Variants in AFDN observed in about 807,000 individuals in gnomAD.
AFDN encodes the protein afadin.
AFDN carries 68 observed loss-of-function variants against 216.6 expected under a neutral mutation model. The observed-to-expected ratio is 0.31, with a 90% CI of 0.26 to 0.38. The LOEUF (loss-of-function observed/expected upper bound fraction) is 0.38. Among genes scored for constraint, AFDN ranks in the 10% least tolerant of loss-of-function variants. The pLI is 1.00. For synonymous variants in AFDN, 868 were observed against 853.7 expected (o/e 1.02, Z -0.29); for missense variants, 2,136 against 2,342.0 (o/e 0.91, Z 1.82).
chr6:167,935,748 T>G (rs570169329), intron 23 of AFDN, among the ~76,000 whole-genome samples: 1 of 152,320 alleles, frequency 6.6e-6, no homozygotes, highest in African/African-American at 2.4e-5. Flanking sequence ...TATAATATTG[T>G]GTTCTCAATT....
chr6:167,829,515 T>C (rs186850499), intron 1 of AFDN, among the ~76,000 whole-genome samples: 7 of 152,292 alleles, frequency 4.6e-5, no homozygotes, highest in Admixed American at 1.3e-4. Context: ...TTTAGTTTTC[T>C]GCAAGAACAG....
At chr6:167,871,664 A>G (rs1396745910) in intron 3 of AFDN, among the ~76,000 whole-genome samples, 1 of 152,228 alleles carries the variant, frequency 6.6e-6, no homozygotes, top group East Asian at 1.9e-4. Context: ...AAGCAAATAA[A>G]TCAGATCTGG....
chr6:167,864,284 A>G (rs1462974930), intron 1 of AFDN: 5 of 662,678 alleles, frequency 7.5e-6, no homozygotes, highest in African/African-American at 1.8e-5. Flanking sequence ...CCAAGGACCA[A>G]TAGATGTTAG....
chr6:167,950,826 A>T (rs892921225), intron 29 of AFDN, among the ~76,000 whole-genome samples: 1 of 151,340 alleles, frequency 6.6e-6, no homozygotes, highest in East Asian at 1.9e-4. Context: ...GCCTCGAGGC[A>T]GAGAGAAAGT....
intron 18 of AFDN, among the ~76,000 whole-genome samples, 157 bp downstream of exon 18, chr6:167,914,895 G>T (rs1239375753): frequency 6.6e-6 from 1 of 152,082 alleles, no homozygotes. Flanking sequence ...TATTTGTTTT[G>T]TTTACAGATA....
At chr6:167,893,808 T>C in intron 8 of AFDN, 54 bp from the exon 9 acceptor site, 1 of 1,393,762 alleles carries the variant, frequency 7.2e-7, no homozygotes, top group South Asian at 1.2e-5. Flanking sequence ...CTGCATGGTC[T>C]CTCTCCTGCT....
Position 167,888,787 on chromosome 6 carries a change from G to A in AFDN, c.898-428G>A, listed in dbSNP as rs140912579. Among the ~76,000 whole-genome samples the A allele has an allele frequency of 2.3e-3, 352 of 152,180 alleles. 4 individuals carry two copies. Among genetic ancestry groups the A allele is most frequent in the African/African-American group, 7.5e-3 (312 of 41,508 alleles). On this transcript the variant is annotated intron_variant, in intron 6 of 33. Coordinates refer to ENST00000683244, the MANE Select transcript of AFDN (RefSeq NM_001386888.1). ...AACTATTCTGGCTTGTTGTATGGTGGTTATCCTAAGATATCTCATATTGTA... is the reference window on the plus strand; with the variant it reads ...AACTATTCTGGCTTGTTGTATGGTGATTATCCTAAGATATCTCATATTGTA...
chr6:167,970,036 C>CT lies in AFDN; in HGVS notation c.*102dup, dbSNP rs1562363007. 1.1e-6 allele frequency: 1 copy of CT among 888,120 alleles called. No individual in the cohort carries two copies. Among genetic ancestry groups the CT allele is most frequent in the African/African-American group, 1.8e-5 (1 of 55,888 alleles). 55.0% of individuals were successfully genotyped at this position (888,120 alleles called of 1,614,324 possible). On this transcript the variant is annotated 3_prime_UTR_variant, in exon 34 of 34. Transcript: ENST00000683244. Reference sequence around the variant, plus strand: ...GGAAAAGAGGAAGGGGGTTATATTTCTAAGTGATTTACAATTTCTGTTTCT... The same window carrying CT: ...GGAAAAGAGGAAGGGGGTTATATTTCTTAAGTGATTTACAATTTCTGTTTCT...
chr6:167,898,274 C>A lies in AFDN; in HGVS notation c.1387C>A (p.Pro463Thr), dbSNP rs1788525645. Residue 463 changes from proline (P) to threonine (T), a missense_variant, in exon 11 of 34, where the codon CCC becomes ACC. Pro to Thr is a conservative substitution (Grantham distance 38). Transcript: ENST00000683244. ...TNMDGVVTVT[P>T]RSMDAETYVE... ...CATGGATGGAGTGGTCACTGTGACGCCCAGAAGTATGGACGCAGAAACCTA... is the reference window on the plus strand; with the variant it reads ...CATGGATGGAGTGGTCACTGTGACGACCAGAAGTATGGACGCAGAAACCTA... 2 of 1,613,968 alleles carry A rather than the reference C, an allele frequency of 1.2e-6. No homozygotes were observed. Among genetic ancestry groups the A allele is most frequent in the African/African-American group, 2.7e-5 (2 of 74,888 alleles).
At chr6:167,870,673 CT>C (rs1784690989) in intron 3 of AFDN, among the ~76,000 whole-genome samples, 175 bp downstream of exon 3, 2 of 152,144 alleles carry the variant, frequency 1.3e-5, no homozygotes, top group Non-Finnish European at 1.5e-5. Context: ...CTACTTTATC[CT>C]TTATCTCAAC....
intron 23 of AFDN, among the ~76,000 whole-genome samples, chr6:167,934,864 C>G (rs1371444718): frequency 6.6e-6 from 1 of 152,214 alleles, no homozygotes; most frequent in Non-Finnish European, 1.5e-5. Flanking sequence ...TCTATAAGCC[C>G]TCTTCTGAAA....
chr6:167,936,514 T>C (rs1794017423), intron 23 of AFDN, among the ~76,000 whole-genome samples: 1 of 152,226 alleles, frequency 6.6e-6, no homozygotes, highest in African/African-American at 2.4e-5. Flanking sequence ...TGTTTAGAAA[T>C]AAGACCTAAA....
intron 15 of AFDN, 38 bp from the exon 16 acceptor site, chr6:167,913,365 T>C: frequency 5.9e-6 from 9 of 1,534,350 alleles, no homozygotes; most frequent in Non-Finnish European, 7.9e-6. Context: ...TTTCTTTCTC[T>C]CGTTCTGCTT....
In AFDN at chr6:167,922,942, C is replaced by T. The variant is rs1792017217; in HGVS notation, c.2995C>T (p.Arg999Cys). Reference protein sequence around the residue: ...EGADYESHLLRENTELAQPLR... With the variant: ...EGADYESHLLCENTELAQPLR... ...TGCAGATTATGAAAGTCACCTTCTG[C>T]GTGAGAACACAGAGCTGGCAAGTAT... Residue 999 changes from arginine (R) to cysteine (C), a missense_variant, in exon 22 of 34, where the codon CGT becomes TGT. Arg to Cys is a radical substitution (Grantham distance 180). Coordinates refer to ENST00000683244, the MANE Select transcript of AFDN (RefSeq NM_001386888.1). 4.3e-6 allele frequency: 7 copies of T among 1,610,158 alleles called. No homozygotes were observed. The highest frequency in any genetic ancestry group is 2.2e-5 in the East Asian group (1 of 44,782).
intron 8 of AFDN, among the ~76,000 whole-genome samples, chr6:167,892,219 G>T (rs1787700441): frequency 6.6e-6 from 1 of 152,132 alleles, no homozygotes; most frequent in South Asian, 2.1e-4. Flanking sequence ...AGCTATTTGT[G>T]AGGAATATAT....
chr6:167,965,047 C>T (rs1029310520), intron 31 of AFDN: 2 of 1,042,148 alleles, frequency 1.9e-6, no homozygotes, highest in Admixed American at 5.6e-5. Context: ...GTTCCTGGCT[C>T]TCTAATTTTC....
chr6:167,960,211 G>C (rs1358739473), intron 30 of AFDN, among the ~76,000 whole-genome samples: 1 of 152,210 alleles, frequency 6.6e-6, no homozygotes, highest in Non-Finnish European at 1.5e-5. Flanking sequence ...GGAAATACGT[G>C]AGTTAGCCAA....
intron 5 of AFDN, among the ~76,000 whole-genome samples, chr6:167,878,880 T>C (rs1026427316): frequency 1.3e-5 from 2 of 152,202 alleles, no homozygotes; most frequent in Non-Finnish European, 2.9e-5. Flanking sequence ...GCCACTTCTG[T>C]CTGGTTGTTC....
chr6:167,961,091 T>A (rs1047899890), intron 30 of AFDN, among the ~76,000 whole-genome samples: 5 of 151,914 alleles, frequency 3.3e-5, no homozygotes, highest in African/African-American at 4.8e-5. Flanking sequence ...ACATACAAAA[T>A]CAATTCAAAT....
Sources: allele counts gnomAD v4.1 joint callset (sites outside exome capture counted in the v4.1 genomes callset), GRCh38; gene constraint gnomAD v4.1.1; transcripts MANE v1.5; gene names NCBI Gene and HGNC (gene_info 2026-07-23, HGNC 2026-07-21).